Variants in ARID1B observed in about 807,000 individuals in gnomAD.
ARID1B encodes AT-rich interactive domain-containing protein 1B.
Under a neutral mutation model 212.3 loss-of-function variants are expected in ARID1B, and 30 were observed. The ratio of observed to expected loss-of-function variants is 0.14; its 90% CI spans 0.11 to 0.19. The LOEUF (loss-of-function observed/expected upper bound fraction) is 0.19, where lower values mean the gene tolerates loss of function less well. Ranked by LOEUF, ARID1B falls within the 10% of genes least tolerant of loss-of-function variation. ARID1B has a pLI of 1.00. For synonymous variants in ARID1B, 1,402 were observed against 1,301.7 expected, an observed-to-expected ratio of 1.08 and a Z score of -1.66; for missense variants, 2,891 against 3,204.0, an observed-to-expected ratio of 0.90 and a Z score of 2.36.
intron 1 of ARID1B, among the ~76,000 whole-genome samples, chr6:156,802,317 A>G (rs777823973): frequency 1.4e-4 from 22 of 152,222 alleles, no homozygotes; most frequent in Non-Finnish European, 8.8e-5. Flanking sequence ...AGTGTCTCTG[A>G]AAGCTTGATG....
At chr6:156,917,226 C>G (rs115345903) in intron 3 of ARID1B, among the ~76,000 whole-genome samples, 2,503 of 152,222 alleles carry the variant, frequency 0.016, 68 homozygotes, top group African/African-American at 0.057. Flanking sequence ...TATAGTTTCT[C>G]TTCAAGTTGA....
At chr6:156,903,759 A>G (rs1018221377) in intron 3 of ARID1B, among the ~76,000 whole-genome samples, 27 of 152,200 alleles carry the variant, frequency 1.8e-4, no homozygotes, top group African/African-American at 5.1e-4. Context: ...AAGCTCAACC[A>G]TATTTAACCA....
intron 4 of ARID1B, chr6:157,023,813 T>C (rs912697222): frequency 1.3e-5 from 2 of 152,218 alleles, no homozygotes; most frequent in African/African-American, 4.8e-5. Flanking sequence ...CCTAATATAA[T>C]GAGTGTGTGG....
At chr6:156,907,333 C>T (rs970424942) in intron 3 of ARID1B, among the ~76,000 whole-genome samples, 12 of 151,992 alleles carry the variant, frequency 7.9e-5, no homozygotes, top group African/African-American at 2.2e-4. Flanking sequence ...TTTTATCTTC[C>T]GTCTTTTTTG....
intron 12 of ARID1B, 37 bp from the exon 13 acceptor site, chr6:157,184,194 T>G (rs764401297): frequency 1.3e-6 from 2 of 1,556,782 alleles, no homozygotes; most frequent in Admixed American, 2.0e-5. Flanking sequence ...CAAGCCACTT[T>G]GTTGCAAACC....
chr6:156,843,800 A>G (rs1008919515), intron 2 of ARID1B, among the ~76,000 whole-genome samples: 3 of 152,198 alleles, frequency 2.0e-5, no homozygotes, highest in African/African-American at 7.2e-5. Flanking sequence ...AGTTGTCATC[A>G]GATGTTTACT....
rs149389876 is a variant in ARID1B at position 157,190,199 on chromosome 6, G to T, written c.4220G>T (p.Gly1407Val). 7 of 1,611,838 alleles carry T rather than the reference G, an allele frequency of 4.3e-6. No homozygotes were observed. The highest frequency in any genetic ancestry group is 5.9e-6 in the Non-Finnish European group (7 of 1,179,390). Residue 1407 changes from glycine to valine, a missense_variant, in exon 15 of 20, where the codon GGA becomes GTA. Gly to Val is a moderately radical substitution (Grantham distance 109, BLOSUM62 -3). Transcript: ENST00000636930. This position sits in a 1 kb window ranked among gnomAD's most constrained non-coding sequence, Gnocchi z 4.6. ...PYEPNKDPFG[G>V]MRKVPGSSEP... ...GAGCCCAACAAGGACCCCTTTGGGGGAATGAGAAAAGGTACGTGTAGAGGG... is the reference window on the plus strand; with the variant it reads ...GAGCCCAACAAGGACCCCTTTGGGGTAATGAGAAAAGGTACGTGTAGAGGG...
In ARID1B at chr6:157,207,399, C is replaced by T. The variant is rs958656611; in HGVS notation, c.6627C>T (p.Leu2209=). The change falls in exon 20 of 20, where the codon CTC becomes CTT. Residue 2209 remains leucine, a synonymous_variant. Coordinates refer to ENST00000636930, the MANE Select transcript of ARID1B (RefSeq NM_001374828.1). This position sits in a 1 kb window ranked among gnomAD's most constrained non-coding sequence, Gnocchi z 8.5. ...CTCAGAGACTTGTGCTGGAGACCCT[C>T]TGTAAACTCAGTATCCAGGACAATA... ...LSPQRLVLET[L]CKLSIQDNNV... 6.2e-7 allele frequency: 1 copy of T among 1,614,090 alleles called. No individual in the cohort carries two copies. The highest frequency in any genetic ancestry group is 1.3e-5 in the African/African-American group (1 of 74,928).
chr6:156,946,545 G>T (rs541883834), intron 4 of ARID1B, among the ~76,000 whole-genome samples: 2 of 152,104 alleles, frequency 1.3e-5, no homozygotes, highest in Non-Finnish European at 2.9e-5. Context: ...GTTACTAAGC[G>T]CATTGTAACG....
At chr6:157,167,313 T>A (rs1246485146) in intron 9 of ARID1B, 128 bp downstream of exon 9, 8 of 1,173,896 alleles carry the variant, frequency 6.8e-6, no homozygotes, top group Non-Finnish European at 9.3e-6. Flanking sequence ...ATCATACTAC[T>A]TTTCTGCTTC....
chr6:156,822,933 A>G (rs1782460573), intron 1 of ARID1B, among the ~76,000 whole-genome samples: 1 of 152,216 alleles, frequency 6.6e-6, no homozygotes, highest in Non-Finnish European at 1.5e-5. Context: ...TACTGTTTGT[A>G]ATATGCTCAG....
intron 15 of ARID1B, chr6:157,194,844 AG>A (rs1317110885): frequency 3.3e-5 from 5 of 152,172 alleles, no homozygotes; most frequent in African/African-American, 1.2e-4. Flanking sequence ...AATAGGGGCC[AG>A]GTGATGACTC....
intron 6 of ARID1B, among the ~76,000 whole-genome samples, chr6:157,124,750 A>T (rs1207001844): frequency 6.6e-6 from 1 of 152,194 alleles, no homozygotes; most frequent in Non-Finnish European, 1.5e-5. Context: ...TTGGATCATG[A>T]CATAAAATAT....
At chr6:156,851,285 C>T (rs1486882321) in intron 2 of ARID1B, among the ~76,000 whole-genome samples, 4 of 152,302 alleles carry the variant, frequency 2.6e-5, no homozygotes, top group Middle Eastern at 3.4e-3. Context: ...TCTCCAAGAC[C>T]ATTCAGTCGT....
At chr6:157,036,366 A>G (rs1781325962) in intron 4 of ARID1B, 1 of 153,078 alleles carries the variant, frequency 6.5e-6, no homozygotes, top group Non-Finnish European at 1.5e-5. Flanking sequence ...TTGCTCTGCA[A>G]CATTCCAGAG....
chr6:157,069,235 T>C (rs1163480994), intron 4 of ARID1B, among the ~76,000 whole-genome samples: 4 of 152,208 alleles, frequency 2.6e-5, no homozygotes, highest in African/African-American at 9.6e-5. Context: ...AGTCTAAATA[T>C]AGCTCCATTT....
At chr6:157,128,325 C>T (rs530319140) in intron 6 of ARID1B, among the ~76,000 whole-genome samples, 35 of 152,286 alleles carry the variant, frequency 2.3e-4, no homozygotes, top group Non-Finnish European at 4.1e-4. Flanking sequence ...AACTGGTCTT[C>T]TCACGTGTAA....
Position 157,208,781 on chromosome 6 carries a change from A to G in ARID1B, c.*890A>G, listed in dbSNP as rs1240537724. 2 of 205,180 alleles carry G rather than the reference A, an allele frequency of 9.7e-6. No individual in the cohort carries two copies. The highest frequency in any genetic ancestry group is 1.9e-5 in the Non-Finnish European group (2 of 106,476). The allele number at this position is 205,180 out of a possible 1,614,324, so 12.7% of individuals were successfully genotyped here. On this transcript the variant is annotated 3_prime_UTR_variant, in exon 20 of 20. Coordinates refer to ENST00000636930, the MANE Select transcript of ARID1B (RefSeq NM_001374828.1). ...TTCATGATGTGGTAACTACGAAGTG[A>G]TGGTAGATTTAAATAATTTTTTATT...
rs878880822 is a variant in ARID1B, at chr6:157,208,715, CTTTTTTTTTT to C, written c.*833_*842del. ...AAACATACCCTCATTTTTTTCTTTT[CTTTTTTTTTT>C]TTTTTTTTAGTACAAAGTTTTAGTT... On this transcript the variant is annotated 3_prime_UTR_variant, in exon 20 of 20. Coordinates refer to ENST00000636930, the MANE Select transcript of ARID1B (RefSeq NM_001374828.1). 1 of 140,060 alleles carries C rather than the reference CTTTTTTTTTT, an allele frequency of 7.1e-6. No individual in the cohort carries two copies. Among genetic ancestry groups the C allele is most frequent in the South Asian group, 3.0e-4 (1 of 3,296 alleles). 8.7% of individuals were successfully genotyped at this position (140,060 alleles called of 1,614,324 possible).
Sources: gnomAD v4.1 joint callset for allele counts (sites outside exome capture counted in the v4.1 genomes callset) on GRCh38, gnomAD v4.1.1 for gene constraint, Gnocchi (gnomAD v3.1) non-coding constraint, MANE v1.5 for transcripts, NCBI Gene and HGNC (gene_info 2026-07-23, HGNC 2026-07-21) for gene names.